The following SOX5 variants were observed in gnomAD, a reference collection of about 807,000 sequenced individuals.
The protein encoded by SOX5 is transcription factor SOX-5.
In SOX5, 9 loss-of-function variants were observed where a neutral mutation model predicts 92.0. The ratio of observed to expected loss-of-function variants is 0.10; its 90% CI spans 0.06 to 0.17. The LOEUF is 0.17. Among genes scored for constraint, SOX5 ranks in the 10% least tolerant of loss-of-function variants. The pLI is 1.00. For synonymous variants in SOX5, 344 were observed against 336.3 expected, an observed-to-expected ratio of 1.02 and a Z score of -0.25; for missense variants, 642 against 944.5, an observed-to-expected ratio of 0.68 and a Z score of 4.20.
chr12:23,813,345 C>T (rs931128159), intron 3 of SOX5, among the ~76,000 whole-genome samples: 1 of 152,094 alleles, frequency 6.6e-6, no homozygotes, highest in Admixed American at 6.6e-5. Context: ...AAGTCCCTCT[C>T]TCCCACGCAC....
At chr12:23,777,294 C>T (rs1156850149) in intron 3 of SOX5, among the ~76,000 whole-genome samples, 1 of 152,142 alleles carries the variant, frequency 6.6e-6, no homozygotes, top group Admixed American at 6.5e-5. Context: ...TCTTAATTAT[C>T]TCCCATGTAT....
chr12:23,980,876 A>G (rs1034372518), intron 4 of SOX5, among the ~76,000 whole-genome samples: 14 of 152,176 alleles, frequency 9.2e-5, no homozygotes, highest in African/African-American at 3.1e-4. Flanking sequence ...CTGTTATGGC[A>G]AGAATTCCTG....
At chr12:24,104,842 C>A (rs948816587) in intron 4 of SOX5, among the ~76,000 whole-genome samples, 7 of 152,126 alleles carry the variant, frequency 4.6e-5, no homozygotes, top group African/African-American at 1.7e-4. Flanking sequence ...TTGTTTTATT[C>A]CACGACAGCC....
chr12:23,574,526 T>C (rs539643720), intron 10 of SOX5, among the ~76,000 whole-genome samples: 8 of 152,360 alleles, frequency 5.3e-5, no homozygotes, highest in African/African-American at 1.9e-4. Context: ...GACTGAATTA[T>C]GTCAATTCTT....
intron 3 of SOX5, 93 bp downstream of exon 3, chr12:23,845,890 A>T: frequency 2.8e-6 from 3 of 1,053,202 alleles, no homozygotes; most frequent in Non-Finnish European, 4.4e-6. Flanking sequence ...ATTTAACTTT[A>T]AGAGTATAAA....
chr12:23,688,642 A>G (rs7957433), intron 6 of SOX5, among the ~76,000 whole-genome samples: 150,876 of 152,182 alleles, frequency 0.99, 74,805 homozygotes, highest in East Asian at 1. Context: ...ATTATCAGAG[A>G]TCCTTTGCTA....
intron 1 of SOX5, among the ~76,000 whole-genome samples, chr12:24,542,699 G>T (rs921554551): frequency 6.6e-6 from 1 of 152,090 alleles, no homozygotes; most frequent in Non-Finnish European, 1.5e-5. Flanking sequence ...GAAATATAAG[G>T]GCAAAAATGA....
intron 11 of SOX5, among the ~76,000 whole-genome samples, chr12:23,554,643 T>A (rs1453041211): frequency 6.6e-6 from 1 of 152,094 alleles, no homozygotes; most frequent in East Asian, 1.9e-4. Context: ...AATGTTAAGG[T>A]ACAAAATAAA....
At chr12:24,257,322 T>C (rs1941357918) in intron 3 of SOX5, among the ~76,000 whole-genome samples, 1 of 152,264 alleles carries the variant, frequency 6.6e-6, no homozygotes, top group Non-Finnish European at 1.5e-5. Flanking sequence ...CCTACATTCA[T>C]TATATACATT....
At chr12:24,388,826 G>A (rs1405546588) in intron 1 of SOX5, among the ~76,000 whole-genome samples, 1 of 151,894 alleles carries the variant, frequency 6.6e-6, no homozygotes, top group African/African-American at 2.4e-5. Context: ...TATATATTTG[G>A]TTGTCTGGAT....
intron 1 of SOX5, among the ~76,000 whole-genome samples, chr12:24,439,550 G>T (rs1940100930): frequency 6.6e-6 from 1 of 152,050 alleles, no homozygotes; most frequent in African/African-American, 2.4e-5. Flanking sequence ...ATGTGTATAG[G>T]CCTAAAACAT....
intron 1 of SOX5, among the ~76,000 whole-genome samples, chr12:23,923,652 T>A (rs1939112705): frequency 6.6e-6 from 1 of 152,164 alleles, no homozygotes; most frequent in Non-Finnish European, 1.5e-5. Flanking sequence ...ACAATACTTT[T>A]TATTGCTTAT....
chr12:24,513,886 G>A (rs1445836781), intron 1 of SOX5, among the ~76,000 whole-genome samples: 2 of 152,156 alleles, frequency 1.3e-5, no homozygotes, highest in African/African-American at 4.8e-5. Context: ...TGTATAAAAA[G>A]ACTTTTGCTA....
At chr12:24,026,951 A>G (rs1421029510) in intron 4 of SOX5, among the ~76,000 whole-genome samples, 4 of 152,090 alleles carry the variant, frequency 2.6e-5, no homozygotes, top group Non-Finnish European at 5.9e-5. Context: ...AAAGCTTTGT[A>G]TCATATTGTT....
chr12:24,407,194 AGAGAAG>A (rs1461732478), intron 1 of SOX5, among the ~76,000 whole-genome samples: 1 of 152,170 alleles, frequency 6.6e-6, no homozygotes, highest in African/African-American at 2.4e-5. Flanking sequence ...GAAGAAACTA[AGAGAAG>A]GAGAACAGAA....
chr12:23,704,687 CAT>C lies in SOX5; in HGVS notation c.810+29995_810+29996del, dbSNP rs376550773. On this transcript the variant is annotated intron_variant, in intron 6 of 14. Coordinates refer to ENST00000451604, the MANE Select transcript of SOX5 (RefSeq NM_006940.6). ...TTAGTTCTGGGCATATATATGCATG[CAT>C]ATATATATATATATATATATATATA... 2.4e-3 allele frequency among the ~76,000 whole-genome samples: 215 copies of C among 90,122 alleles called. 3 individuals carry two copies. The highest frequency in any genetic ancestry group is 6.8e-3 in the South Asian group (13 of 1,916). 59.1% of individuals were successfully genotyped at this position (90,122 alleles called of 152,430 possible).
chr12:23,695,381 C>A (rs1367967901), intron 6 of SOX5, among the ~76,000 whole-genome samples: 5 of 152,072 alleles, frequency 3.3e-5, no homozygotes, highest in Admixed American at 6.6e-5. Flanking sequence ...AGAGTATGAG[C>A]AACCTTATGA....
In SOX5 at chr12:23,753,485, C is replaced by T. The variant is rs114135279; in HGVS notation, c.568+2153G>A. Among the ~76,000 whole-genome samples the T allele has an allele frequency of 6.9e-3, 1,053 of 151,642 alleles. 11 individuals carry two copies. Among genetic ancestry groups the T allele is most frequent in the African/African-American group, 0.024 (1,002 of 41,390 alleles). On this transcript the variant is annotated intron_variant, in intron 4 of 14. Transcript: ENST00000451604. ...TGAATACTGTAAAGGCTGGAAACAT[C>T]CTAACATATGCAAAGGTTCTATTTA... is the stretch of plus-strand genomic sequence containing the variant.
At chr12:24,281,818 G>A (rs182344193) in intron 2 of SOX5, among the ~76,000 whole-genome samples, 204 of 152,202 alleles carry the variant, frequency 1.3e-3, no homozygotes, top group African/African-American at 4.8e-3. Flanking sequence ...ATAATGAAAA[G>A]GCTAAAGTAC....
Sources: gnomAD v4.1 joint callset for allele counts (sites outside exome capture counted in the v4.1 genomes callset) on GRCh38, gnomAD v4.1.1 for gene constraint, MANE v1.5 for transcripts, NCBI Gene and HGNC (gene_info 2026-07-23, HGNC 2026-07-21) for gene names.